The following MRPS33 variants were observed in gnomAD, a reference collection of about 807,000 sequenced individuals.
MRPS33 encodes mitochondrial ribosomal protein S33, also known as small ribosomal subunit protein mS33.
In MRPS33, 11 loss-of-function variants were observed where a neutral mutation model predicts 11.2. The observed-to-expected ratio is 0.99, with a 90% CI of 0.62 to 1.63. The LOEUF (loss-of-function observed/expected upper bound fraction) is 1.63, where lower values mean the gene tolerates loss of function less well. MRPS33 is among the 40% of genes most tolerant of loss of function. MRPS33 has a pLI of 0.00. For synonymous variants in MRPS33, 46 were observed against 44.0 expected (o/e 1.05, Z -0.18); for missense variants, 109 against 127.8 (o/e 0.85, Z 0.71).
chr7:141,011,199 T>TTC lies in MRPS33; in HGVS notation c.-27-541_-27-540dup, dbSNP rs1414665752. 2.0e-5 allele frequency among the ~76,000 whole-genome samples: 3 copies of TTC among 152,216 alleles called. No homozygotes were observed. The East Asian group carries it at 5.8e-4, about 29-fold the overall frequency. ...CTAATGAGTTATGAGGTCATTTGGC[T>TTC]TCTAGGTTACTGAACTGAATTTTGC... On this transcript the variant is annotated intron_variant, in intron 1 of 2. Transcript: ENST00000324787.
rs60067479 is a variant in MRPS33, at chr7:141,002,821, TG to T, written c.*3608del. 0.01 allele frequency: 1,596 copies of T among 155,932 alleles called. 71 individuals are homozygous for T. The East Asian group carries it at 0.16, about 15-fold the overall frequency. The allele number at this position is 155,932 out of a possible 1,614,324, so 9.7% of individuals were successfully genotyped here. ...CTCTTCCTGAACCTATCATGCTGCT[TG>T]TAAACGTGGGGAACTTTATATTTTT... On this transcript the variant is annotated 3_prime_UTR_variant, in exon 3 of 3. Coordinates refer to ENST00000324787, the MANE Select transcript of MRPS33 (RefSeq NM_053035.3).
In MRPS33 at chr7:141,010,522, TA is replaced by T. The variant is rs761120401; in HGVS notation, c.111del (p.Phe37LeufsTer49). The T allele has an allele frequency of 3.7e-6, 6 of 1,614,220 alleles. No individual in the cohort carries two copies. The highest frequency in any genetic ancestry group is 1.7e-5 in the Admixed American group (1 of 60,030). ...NSKSMKVVKL[F>X]SELPLAKKKE... is the part of the protein sequence containing the mutation. ...TTCTTCTTGGCCAAGGGCAGTTCAC[TA>T]AACAGTTTCACCACTTTCATAGACT... On this transcript the variant is annotated frameshift_variant, in exon 2 of 3. Coordinates refer to ENST00000324787, the MANE Select transcript of MRPS33 (RefSeq NM_053035.3). LOFTEE classifies it high-confidence loss of function.
intron 1 of MRPS33, among the ~76,000 whole-genome samples, chr7:141,013,397 C>G (rs1820726692): frequency 6.6e-6 from 1 of 152,178 alleles, no homozygotes; most frequent in Non-Finnish European, 1.5e-5. Flanking sequence ...AGTTTTATGA[C>G]AGAGAAAGGG....
intron 2 of MRPS33, chr7:141,009,725 C>T (rs768776549): frequency 1.3e-5 from 2 of 151,988 alleles, no homozygotes; most frequent in Non-Finnish European, 2.9e-5. Context: ...CATCTGATAA[C>T]AAGAGCCCAC....
chr7:141,012,317 C>T (rs1205623769), intron 1 of MRPS33, among the ~76,000 whole-genome samples: 1 of 152,048 alleles, frequency 6.6e-6, no homozygotes, highest in African/African-American at 2.4e-5. Context: ...CAACGTCCAC[C>T]CCTCCCTCCC....
chr7:141,006,670 T>C, intron 2 of MRPS33, 135 bp from the exon 3 acceptor site: 1 of 721,276 alleles, frequency 1.4e-6, no homozygotes, highest in Non-Finnish European at 2.3e-6. Flanking sequence ...CATGCTCAGC[T>C]TGGTGAACAA....
chr7:141,010,231 C>T, intron 2 of MRPS33, 188 bp downstream of exon 2: 1 of 584,902 alleles, frequency 1.7e-6, no homozygotes, highest in East Asian at 2.9e-5. Flanking sequence ...GCATGAATTT[C>T]CTTTTTTTTT....
intron 2 of MRPS33, among the ~76,000 whole-genome samples, 192 bp from the exon 3 acceptor site, chr7:141,006,727 T>A (rs1205852356): frequency 2.0e-5 from 3 of 152,146 alleles, no homozygotes; most frequent in African/African-American, 7.2e-5. Context: ...ATTCCAAAAG[T>A]TCACTTGTAA....
chr7:141,004,909 C>A lies in MRPS33; in HGVS notation c.*1521G>T, dbSNP rs964103133. 1.7e-4 allele frequency: 26 copies of A among 152,310 alleles called. No homozygotes were observed. The highest frequency in any genetic ancestry group is 6.3e-4 in the African/African-American group (26 of 41,542). The allele number at this position is 152,310 out of a possible 1,614,324, so 9.4% of individuals were successfully genotyped here. A position where few individuals can be genotyped will look rare whatever the true frequency, so the allele number is the denominator to read the frequency against. On this transcript the variant is annotated 3_prime_UTR_variant, in exon 3 of 3. Coordinates refer to ENST00000324787, the MANE Select transcript of MRPS33 (RefSeq NM_053035.3). ...TACAGGCACCCACCACCACGCCCGG[C>A]TAACTTTTTTGCATTTTTTAGTAGA...
At chr7:141,013,012 T>C (rs1354448688) in intron 1 of MRPS33, among the ~76,000 whole-genome samples, 2 of 151,990 alleles carry the variant, frequency 1.3e-5, no homozygotes, top group African/African-American at 4.8e-5. Flanking sequence ...GGTTTTCATA[T>C]ATTCTACATA....
rs1225226830 is a variant in MRPS33 at position 141,004,740 on chromosome 7, A to G, written c.*1690T>C. 1 of 152,192 alleles carries G rather than the reference A, an allele frequency of 6.6e-6. No homozygotes were observed. Among genetic ancestry groups the G allele is most frequent in the Non-Finnish European group, 1.5e-5 (1 of 68,024 alleles). 9.4% of individuals were successfully genotyped at this position (152,192 alleles called of 1,614,324 possible). ...GATTCAGAACAACTGTTGGAAAAAAAAATCAGAGAAGCCTTCACAATTTTT... is the reference window on the plus strand; with the variant it reads ...GATTCAGAACAACTGTTGGAAAAAAGAATCAGAGAAGCCTTCACAATTTTT... On this transcript the variant is annotated 3_prime_UTR_variant, in exon 3 of 3. Transcript: ENST00000324787.
chr7:141,006,521 T>G lies in MRPS33; in HGVS notation c.230A>C (p.Asp77Ala). Residue 77 changes from aspartate to alanine, a missense_variant, in exon 3 of 3, where the codon GAT becomes GCT. Physicochemically the swap from Asp to Ala is moderately radical, Grantham distance 126. Transcript: ENST00000324787. ...FLGLYRDEHQ[D>A]FMDEQKRLKK... ...TAGTCGTTTTTGCTCATCCATAAAA[T>G]CCTGATGCTCATCTCTGAATGAAGA... 1 of 1,613,720 alleles carries G rather than the reference T, an allele frequency of 6.2e-7. No homozygotes were observed. The highest frequency in any genetic ancestry group is 8.5e-7 in the Non-Finnish European group (1 of 1,179,952).
At chr7:141,006,957 G>C (rs1820548507) in intron 2 of MRPS33, among the ~76,000 whole-genome samples, 1 of 152,164 alleles carries the variant, frequency 6.6e-6, no homozygotes, top group Non-Finnish European at 1.5e-5. Flanking sequence ...ATGGGGTGAG[G>C]TCTGGAGGAA....
Position 141,004,531 on chromosome 7 carries a change from G to A in MRPS33, c.*1899C>T, listed in dbSNP as rs1820477656. The A allele has an allele frequency of 6.6e-6, 1 of 152,172 alleles. No homozygotes were observed. The highest frequency in any genetic ancestry group is 2.4e-5 in the African/African-American group (1 of 41,434). The allele number at this position is 152,172 out of a possible 1,614,324, so 9.4% of individuals were successfully genotyped here. ...TTACAGAGAAAGAAAACTGTGGCTG[G>A]AGTAGCTGCTATACATACTCCAATA... On this transcript the variant is annotated 3_prime_UTR_variant, in exon 3 of 3. Coordinates refer to ENST00000324787, the MANE Select transcript of MRPS33 (RefSeq NM_053035.3).
chr7:141,007,613 C>T (rs1436411709), intron 2 of MRPS33, among the ~76,000 whole-genome samples: 1 of 152,236 alleles, frequency 6.6e-6, no homozygotes, highest in African/African-American at 2.4e-5. Flanking sequence ...TCCAGTCCCA[C>T]ACCCTCCCGG....
At position 141,006,303 on chromosome 7, in the gene MRPS33, A is replaced by G. The variant is rs1029525330; in HGVS notation, c.*127T>C. On this transcript the variant is annotated 3_prime_UTR_variant, in exon 3 of 3. Coordinates refer to ENST00000324787, the MANE Select transcript of MRPS33 (RefSeq NM_053035.3). ...AACCGGATTAGATTTCACCAAGGAG[A>G]TGACTGTGTTCCTCCAAATAAACTT... is the stretch of plus-strand genomic sequence containing the variant. The G allele has an allele frequency of 5.1e-5, 40 of 784,400 alleles. No homozygotes were observed. The highest frequency in any genetic ancestry group is 2.1e-5 in the Non-Finnish European group (10 of 483,466). 48.6% of individuals were successfully genotyped at this position (784,400 alleles called of 1,614,324 possible). A position where few individuals can be genotyped will look rare whatever the true frequency, so the allele number is the denominator to read the frequency against.
intron 1 of MRPS33, chr7:141,014,538 A>C (rs1244073968): frequency 6.6e-6 from 1 of 152,174 alleles, no homozygotes; most frequent in African/African-American, 2.4e-5. Context: ...ATTTTTCTTA[A>C]ATATCACCTT....
Position 141,006,539 on chromosome 7 carries a change from AATG to A in MRPS33, c.216-7_216-5del. 1.2e-6 allele frequency: 2 copies of A among 1,610,892 alleles called. No homozygotes were observed. Among genetic ancestry groups the A allele is most frequent in the South Asian group, 2.2e-5 (2 of 90,960 alleles). ...CATAAAATCCTGATGCTCATCTCTGAATGAAGAAGGAAAAAATAATTAACCAGT... is the reference window on the plus strand; with the variant it reads ...CATAAAATCCTGATGCTCATCTCTGAAAGAAGGAAAAAATAATTAACCAGT... On this transcript the variant is annotated splice_region_variant and splice_polypyrimidine_tract_variant and intron_variant, in intron 2 of 2. Transcript: ENST00000324787.
chr7:141,007,410 G>A (rs1294027932), intron 2 of MRPS33, among the ~76,000 whole-genome samples: 3 of 152,122 alleles, frequency 2.0e-5, no homozygotes, highest in African/African-American at 4.8e-5. Context: ...TGAACATCAT[G>A]GACAGTATAC....
Sources: gnomAD v4.1 joint callset for allele counts (sites outside exome capture counted in the v4.1 genomes callset) on GRCh38, gnomAD v4.1.1 for gene constraint, MANE v1.5 for transcripts, NCBI Gene and HGNC (gene_info 2026-07-23, HGNC 2026-07-21) for gene names.